The following LARS2 variants were observed in gnomAD, a reference collection of about 807,000 sequenced individuals.
LARS2 encodes the protein leucine--tRNA ligase, mitochondrial.
LARS2 carries 81 observed loss-of-function variants against 116.6 expected under a neutral mutation model. The observed-to-expected ratio is 0.69, with a 90% CI of 0.58 to 0.84. The LOEUF (loss-of-function observed/expected upper bound fraction) is 0.84, where lower values mean the gene tolerates loss of function less well. Ranked by LOEUF, LARS2 falls within the 40% of genes least tolerant of loss-of-function variation. The pLI, the probability that LARS2 is intolerant of heterozygous loss-of-function variation, is 0.00. For synonymous variants in LARS2, 396 were observed against 407.2 expected, an observed-to-expected ratio of 0.97 and a Z score of 0.33; for missense variants, 968 against 1,114.5, an observed-to-expected ratio of 0.87 and a Z score of 1.87.
At chr3:45,478,331 C>T (rs1292543819) in intron 10 of LARS2, among the ~76,000 whole-genome samples, 1 of 152,176 alleles carries the variant, frequency 6.6e-6, no homozygotes, top group Non-Finnish European at 1.5e-5. Context: ...AAAACTAAAA[C>T]ATGTAAACAT....
At chr3:45,522,287 G>C (rs1700467338) in intron 19 of LARS2, among the ~76,000 whole-genome samples, 1 of 152,194 alleles carries the variant, frequency 6.6e-6, no homozygotes, top group Admixed American at 6.5e-5. Flanking sequence ...TATAATCACA[G>C]AGACTCGGAA....
chr3:45,530,067 C>A (rs182933675), intron 20 of LARS2, among the ~76,000 whole-genome samples: 1 of 152,332 alleles, frequency 6.6e-6, no homozygotes, highest in Admixed American at 6.5e-5. Context: ...ACAGTTTGAC[C>A]ATCTTTGCTT....
At chr3:45,440,431 T>C (rs1172956844) in intron 6 of LARS2, among the ~76,000 whole-genome samples, 1 of 152,132 alleles carries the variant, frequency 6.6e-6, no homozygotes, top group Non-Finnish European at 1.5e-5. Context: ...ACTCATTGTT[T>C]TGAAGGCAGG....
At chr3:45,443,133 C>T (rs1698942333) in intron 6 of LARS2, among the ~76,000 whole-genome samples, 1 of 152,160 alleles carries the variant, frequency 6.6e-6, no homozygotes, top group Admixed American at 6.5e-5. Context: ...AGCACTCTTC[C>T]TTTAGAGAAG....
chr3:45,500,202 A>G (rs896035638), intron 14 of LARS2, among the ~76,000 whole-genome samples: 1 of 152,178 alleles, frequency 6.6e-6, no homozygotes, highest in African/African-American at 2.4e-5. Flanking sequence ...GGGTTTCGCC[A>G]TGTTGGGCAG....
chr3:45,448,305 C>T (rs1699055197), intron 7 of LARS2, among the ~76,000 whole-genome samples: 1 of 152,194 alleles, frequency 6.6e-6, no homozygotes, highest in African/African-American at 2.4e-5. Flanking sequence ...CCACACTAGG[C>T]TGCTCCCAGT....
At chr3:45,484,649 T>TATATATATATATATGTATATA (rs36044906) in intron 10 of LARS2, among the ~76,000 whole-genome samples, 1 of 37,460 alleles carries the variant, frequency 2.7e-5, no homozygotes, top group African/African-American at 6.3e-5. Flanking sequence ...ATATATATAT[T>TATATATATATATATGTATATA]TAAAATAAGA....
rs1468255103 is a variant in LARS2, at chr3:45,521,122, G to A, written c.2292+826G>A. The stretch of plus-strand genomic sequence containing the variant: ...GATCAAGACCATCCTGGCTAACACA[G>A]TGAAACCCCATCTCTACTAAAAAAT... On this transcript the variant is annotated intron_variant, in intron 19 of 21. Coordinates refer to ENST00000645846, the MANE Select transcript of LARS2 (RefSeq NM_015340.4). Among the ~76,000 whole-genome samples the A allele has an allele frequency of 2.0e-5, 3 of 152,122 alleles. No individual in the cohort carries two copies. In the East Asian group the frequency reaches 5.8e-4, roughly 29 times the overall value.
At chr3:45,519,899 C>G in intron 18 of LARS2, 1 of 217,338 alleles carries the variant, frequency 4.6e-6, no homozygotes, top group South Asian at 6.3e-5. Context: ...CCACCCACCT[C>G]GGCCTTCCAA....
chr3:45,391,077 G>T (rs1257185523), intron 1 of LARS2, among the ~76,000 whole-genome samples: 1 of 152,092 alleles, frequency 6.6e-6, no homozygotes, highest in East Asian at 1.9e-4. Context: ...TGTTCTTAAT[G>T]GTTTTGATAT....
chr3:45,410,245 G>A (rs1290085871), intron 4 of LARS2, among the ~76,000 whole-genome samples: 2 of 151,694 alleles, frequency 1.3e-5, no homozygotes, highest in Admixed American at 6.6e-5. Flanking sequence ...AGCTGCTCAG[G>A]TGTTGTCCTT....
At chr3:45,537,963 T>A (rs1218006662) in intron 20 of LARS2, among the ~76,000 whole-genome samples, 2 of 152,242 alleles carry the variant, frequency 1.3e-5, no homozygotes, top group Non-Finnish European at 2.9e-5. Context: ...TAGGCTTGTG[T>A]GCCAGGGCCT....
At chr3:45,532,215 G>A (rs1700625991) in intron 20 of LARS2, among the ~76,000 whole-genome samples, 2 of 152,216 alleles carry the variant, frequency 1.3e-5, no homozygotes, top group South Asian at 4.1e-4. Context: ...TAGATGTGAT[G>A]TTGGCTGTTG....
intron 7 of LARS2, 56 bp from the exon 8 acceptor site, chr3:45,458,686 CA>C (rs749222943): frequency 0.13 from 126,329 of 981,160 alleles, 172 homozygotes; most frequent in South Asian, 0.19. Flanking sequence ...CACTCCCTGT[CA>C]AAAAAAAAAA....
intron 9 of LARS2, 93 bp downstream of exon 9, chr3:45,474,443 A>G (rs896419546): frequency 1.5e-5 from 10 of 685,350 alleles, no homozygotes; most frequent in African/African-American, 1.0e-4. Context: ...GGGACTCCAC[A>G]GCACCACAGT....
intron 6 of LARS2, 130 bp downstream of exon 6, chr3:45,419,859 A>T: frequency 1.4e-6 from 1 of 725,692 alleles, no homozygotes; most frequent in South Asian, 1.6e-5. Flanking sequence ...AAGGATTAGC[A>T]CTCTTCAAAA....
intron 7 of LARS2, among the ~76,000 whole-genome samples, chr3:45,457,430 A>G (rs1478337086): frequency 1.3e-5 from 2 of 152,168 alleles, no homozygotes; most frequent in Non-Finnish European, 2.9e-5. Context: ...TGTAATCCCA[A>G]TACTTTGGGA....
intron 3 of LARS2, among the ~76,000 whole-genome samples, chr3:45,397,505 T>C (rs1018396095): frequency 6.6e-6 from 1 of 152,196 alleles, no homozygotes. Context: ...AATTTAATCT[T>C]TATTGAACAA....
chr3:45,423,617 C>A (rs1156666344), intron 6 of LARS2, among the ~76,000 whole-genome samples: 2 of 152,126 alleles, frequency 1.3e-5, no homozygotes, highest in Non-Finnish European at 2.9e-5. Context: ...ATTTCTTAAC[C>A]ATTATATTTG....
Sources: allele counts gnomAD v4.1 joint callset (sites outside exome capture counted in the v4.1 genomes callset), GRCh38; gene constraint gnomAD v4.1.1; transcripts MANE v1.5; gene names NCBI Gene and HGNC (gene_info 2026-07-23, HGNC 2026-07-21).